The following MRAP variants were observed in gnomAD, a reference collection of about 807,000 sequenced individuals.
MRAP encodes the protein melanocortin 2 receptor accessory protein.
In MRAP, 8 loss-of-function variants were observed where a neutral mutation model predicts 8.7. The observed-to-expected ratio is 0.92, with a 90% CI of 0.54 to 1.66. The LOEUF (loss-of-function observed/expected upper bound fraction) is 1.66. Among genes scored for constraint, MRAP ranks in the 40% most tolerant of loss-of-function variants. MRAP has a pLI of 0.00. For missense variants in MRAP, 237 were observed against 217.1 expected, an observed-to-expected ratio of 1.09 and a Z score of -0.58; for synonymous variants, 95 against 95.5, an observed-to-expected ratio of 1.00 and a Z score of 0.03.
intron 2 of MRAP, among the ~76,000 whole-genome samples, chr21:32,293,520 A>G (rs2032087771): frequency 6.6e-6 from 1 of 152,142 alleles, no homozygotes; most frequent in African/African-American, 2.4e-5. Flanking sequence ...TTGCCTGGAA[A>G]ATGAGGTCCC....
chr21:32,309,917 C>T (rs1254874627), intron 2 of MRAP, among the ~76,000 whole-genome samples: 3 of 151,972 alleles, frequency 2.0e-5, no homozygotes, highest in Non-Finnish European at 4.4e-5. Flanking sequence ...AGGTCAGGAG[C>T]CACTGTGCAC....
At chr21:32,310,342 G>A (rs375264883) in intron 2 of MRAP, among the ~76,000 whole-genome samples, 1 of 152,202 alleles carries the variant, frequency 6.6e-6, no homozygotes, top group African/African-American at 2.4e-5. Flanking sequence ...CATGATGGGG[G>A]GGGGAGGGGA....
chr21:32,311,607 G>A (rs1224462691), intron 2 of MRAP, 77 bp from the exon 3 acceptor site: 1 of 1,549,746 alleles, frequency 6.5e-7, no homozygotes, highest in South Asian at 1.3e-5. Context: ...AGGTGTGGCA[G>A]GAAACCCCCC....
intron 1 of MRAP, among the ~76,000 whole-genome samples, chr21:32,304,037 G>C (rs2032346386): frequency 6.6e-6 from 1 of 152,166 alleles, no homozygotes; most frequent in Non-Finnish European, 1.5e-5. Context: ...GGAGAAAGGG[G>C]CTCTCAGGTG....
chr21:32,307,298 G>C (rs2032443860), intron 2 of MRAP, among the ~76,000 whole-genome samples: 1 of 152,152 alleles, frequency 6.6e-6, no homozygotes, highest in Non-Finnish European at 1.5e-5. Flanking sequence ...AATTAAGCTG[G>C]GCGTGGTGGC....
intron 1 of MRAP, among the ~76,000 whole-genome samples, chr21:32,300,825 C>A (rs950043517): frequency 1.2e-4 from 17 of 145,476 alleles, no homozygotes; most frequent in South Asian, 4.4e-4. Context: ...GTCATGTGTC[C>A]TATGTCGGAT....
At chr21:32,301,788 T>C (rs1350021089) in intron 1 of MRAP, among the ~76,000 whole-genome samples, 1 of 152,204 alleles carries the variant, frequency 6.6e-6, no homozygotes, top group East Asian at 1.9e-4. Flanking sequence ...ATAGTCCATA[T>C]TGACCTCTGC....
rs2032191441 is a variant in MRAP, at chr21:32,298,858, G to A, written c.-114G>A. On this transcript the variant is annotated 5_prime_UTR_variant, in exon 1 of 3. Coordinates refer to ENST00000303645, the MANE Select transcript of MRAP (RefSeq NM_001379228.1). ...CAGACCTTGAGCCTAGAGACCCACA[G>A]ACACACTTGGACGATTCCTGCAGAA... The A allele has an allele frequency of 6.5e-6, 5 of 764,160 alleles. No individual in the cohort carries two copies. In the Admixed American group the frequency reaches 1.0e-4, roughly 15 times the overall value. 47.3% of individuals were successfully genotyped at this position (764,160 alleles called of 1,614,324 possible). A position where few individuals can be genotyped will look rare whatever the true frequency, so the allele number is the denominator to read the frequency against.
chr21:32,312,378 C>T (rs949939720), downstream of MRAP: 1 of 1,121,432 alleles, frequency 8.9e-7, no homozygotes, highest in Middle Eastern at 4.1e-4. Flanking sequence ...CCTTCTGTAC[C>T]TTTGTTAGGA....
In MRAP at chr21:32,311,956, A is replaced by G. The variant is rs778228116; in HGVS notation, c.479A>G (p.Glu160Gly). Residue 160 changes from glutamate to glycine, a missense_variant, in exon 3 of 3, where the codon GAG (glutamate) becomes GGG (glycine). Coordinates refer to ENST00000303645, the MANE Select transcript of MRAP (RefSeq NM_001379228.1). ...CCCCTCGTCAGGAGCAAGCCCAGCG[A>G]GCCTCCCCCTGGAGACAGGACCTCT... is the stretch of plus-strand genomic sequence containing the variant. ...GGPLVRSKPSEPPPGDRTSQL... is the reference protein window; with the variant it reads ...GGPLVRSKPSGPPPGDRTSQL... 1.2e-6 allele frequency: 2 copies of G among 1,613,528 alleles called. No homozygotes were observed. The highest frequency in any genetic ancestry group is 1.6e-4 in the Middle Eastern group (1 of 6,062).
intron 1 of MRAP, among the ~76,000 whole-genome samples, chr21:32,305,877 G>T (rs1048473206): frequency 3.3e-5 from 5 of 152,136 alleles, no homozygotes; most frequent in Admixed American, 1.3e-4. Context: ...CTGGAGCCTG[G>T]AGAAGGAAAA....
At chr21:32,301,500 C>A (rs1364069692) in intron 1 of MRAP, among the ~76,000 whole-genome samples, 2 of 152,236 alleles carry the variant, frequency 1.3e-5, no homozygotes, top group African/African-American at 4.8e-5. Flanking sequence ...GCAGAAGCTG[C>A]CATGCCTGTT....
rs777077799 is a variant in MRAP, at chr21:32,311,965, C to A, written c.488C>A (p.Pro163His). 1.9e-6 allele frequency: 3 copies of A among 1,613,376 alleles called. No individual in the cohort carries two copies. The highest frequency in any genetic ancestry group is 1.3e-5 in the African/African-American group (1 of 74,948). ...LVRSKPSEPP[P>H]GDRTSQLQS ...AGGAGCAAGCCCAGCGAGCCTCCCC[C>A]TGGAGACAGGACCTCTCAATTGCAG... The change falls in exon 3 of 3, where the codon CCT becomes CAT. Residue 163 changes from proline (P) to histidine (H), a missense_variant. Pro to His is a moderately conservative substitution (Grantham distance 77). Transcript: ENST00000303645.
chr21:32,306,421 T>A, intron 1 of MRAP: 1 of 605,326 alleles, frequency 1.7e-6, no homozygotes, highest in Admixed American at 2.3e-5. Context: ...ACAGACCCCG[T>A]GGCCAGCTGC....
chr21:32,298,204 C>A (rs1046341305), upstream of MRAP, among the ~76,000 whole-genome samples: 1 of 152,124 alleles, frequency 6.6e-6, no homozygotes, highest in Non-Finnish European at 1.5e-5. Context: ...ATCTGCGTCA[C>A]GTGTGGTATC....
upstream of MRAP, among the ~76,000 whole-genome samples, chr21:32,298,577 A>C (rs1191995043): frequency 2.0e-5 from 3 of 152,204 alleles, no homozygotes; most frequent in Non-Finnish European, 4.4e-5. Context: ...CAAGTATTTA[A>C]GACAAAAAGC....
downstream of MRAP, chr21:32,312,308 C>A: frequency 3.1e-6 from 4 of 1,306,964 alleles, no homozygotes; most frequent in Non-Finnish European, 3.9e-6. Context: ...GCTTACTAAT[C>A]TTTACTATGC....
rs1266434661 is a variant in MRAP at position 32,300,184 on chromosome 21, C to T, written c.106+1107C>T. On this transcript the variant is annotated intron_variant, in intron 1 of 2. Coordinates refer to ENST00000303645, the MANE Select transcript of MRAP (RefSeq NM_001379228.1). The stretch of plus-strand genomic sequence containing the variant: ...AGAGGATCACTTGAGGCCAGGAGTT[C>T]GAGGCCAGCCTGGGCAACACAGTGA... Among the ~76,000 whole-genome samples, 3 of 152,148 alleles carry T rather than the reference C, an allele frequency of 2.0e-5. No homozygotes were observed. The East Asian group carries it at 5.8e-4, about 29-fold the overall frequency.
intron 1 of MRAP, among the ~76,000 whole-genome samples, chr21:32,292,462 C>CT (rs913706149): frequency 4.1e-4 from 62 of 152,124 alleles, no homozygotes; most frequent in African/African-American, 1.3e-3. Flanking sequence ...TAAAATGTAA[C>CT]TTTTTTTCCT....
Sources: gnomAD v4.1 joint callset for allele counts (sites outside exome capture counted in the v4.1 genomes callset) on GRCh38, gnomAD v4.1.1 for gene constraint, MANE v1.5 for transcripts, NCBI Gene and HGNC (gene_info 2026-07-23, HGNC 2026-07-21) for gene names.